Variants in MCC observed in about 807,000 individuals in gnomAD.
The protein encoded by MCC is MCC regulator of Wnt signaling pathway, also known as colorectal mutant cancer protein.
A neutral mutation model predicts 116.2 loss-of-function variants in MCC; 90 were observed. The observed-to-expected ratio is 0.77, with a 90% confidence interval of 0.65 to 0.92. MCC has a LOEUF of 0.92. MCC is among the 40% of genes least tolerant of loss of function. MCC has a pLI of 0.00. For synonymous variants in MCC, 578 were observed against 510.5 expected, an observed-to-expected ratio of 1.13 and a Z score of -1.78; for missense variants, 1,516 against 1,312.2, an observed-to-expected ratio of 1.16 and a Z score of -2.40.
At chr5:113,155,683 G>A (rs562798278) in intron 3 of MCC, among the ~76,000 whole-genome samples, 1 of 152,278 alleles carries the variant, frequency 6.6e-6, no homozygotes, top group East Asian at 1.9e-4. Context: ...CCTCTAACTT[G>A]AGAGATTCAG....
intron 17 of MCC, among the ~76,000 whole-genome samples, chr5:113,033,497 C>T (rs912252344): frequency 6.6e-6 from 1 of 151,526 alleles, no homozygotes; most frequent in Non-Finnish European, 1.5e-5. Context: ...TTCCTTTCTC[C>T]TTCTAATTTA....
intron 5 of MCC, among the ~76,000 whole-genome samples, chr5:113,132,057 C>T (rs1758463427): frequency 6.6e-6 from 1 of 151,868 alleles, no homozygotes; most frequent in Non-Finnish European, 1.5e-5. Context: ...ATCCAAAGTA[C>T]CATGATTTAT....
At chr5:113,476,828 A>T (rs936941611) in intron 1 of MCC, among the ~76,000 whole-genome samples, 1 of 152,114 alleles carries the variant, frequency 6.6e-6, no homozygotes, top group African/African-American at 2.4e-5. Context: ...GGTTGCAATG[A>T]TTGTTACACG....
chr5:113,235,389 A>G (rs1383283993), intron 3 of MCC, among the ~76,000 whole-genome samples: 1 of 152,218 alleles, frequency 6.6e-6, no homozygotes, highest in Non-Finnish European at 1.5e-5. Flanking sequence ...ATCTCCAAAT[A>G]ATTTTTATAT....
intron 3 of MCC, among the ~76,000 whole-genome samples, chr5:113,220,234 A>AT (rs1394992162): frequency 6.7e-6 from 1 of 148,822 alleles, no homozygotes; most frequent in African/African-American, 2.4e-5. Flanking sequence ...ATTTTTTTGT[A>AT]TTTTTTAGTA....
intron 5 of MCC, among the ~76,000 whole-genome samples, chr5:113,130,693 G>A (rs1486330714): frequency 6.6e-6 from 1 of 151,998 alleles, no homozygotes; most frequent in Non-Finnish European, 1.5e-5. Context: ...AGAGCGAGTT[G>A]TTGAAAGAGC....
Position 113,165,365 on chromosome 5 carries a change from C to A in MCC, c.628-13943G>T, listed in dbSNP as rs1018368580. On this transcript the variant is annotated intron_variant, in intron 3 of 18. Coordinates refer to ENST00000408903, the MANE Select transcript of MCC (RefSeq NM_001085377.2). ...ATAAAAAGCCTCCCTGTTTCTTCCC[C>A]CTACCTACAAGAAACACCAACATTG... Among the ~76,000 whole-genome samples the A allele has an allele frequency of 3.3e-5, 5 of 152,350 alleles. No individual in the cohort carries two copies. In the East Asian group the frequency reaches 5.8e-4, roughly 18 times the overall value.
intron 5 of MCC, among the ~76,000 whole-genome samples, chr5:113,135,180 C>T (rs1051072908): frequency 1.3e-4 from 19 of 150,930 alleles, no homozygotes; most frequent in South Asian, 2.1e-4. Flanking sequence ...CCTTATGATC[C>T]GCCCACCTCG....
At chr5:113,478,586 C>A (rs747291090) in intron 1 of MCC, among the ~76,000 whole-genome samples, 1 of 152,124 alleles carries the variant, frequency 6.6e-6, no homozygotes, top group Non-Finnish European at 1.5e-5. Context: ...ATGTGATAAG[C>A]TTGGGATGCC....
chr5:113,247,889 A>G (rs1365341773), intron 3 of MCC, among the ~76,000 whole-genome samples: 1 of 152,168 alleles, frequency 6.6e-6, no homozygotes, highest in Non-Finnish European at 1.5e-5. Context: ...GCCATTTACA[A>G]GTCAGATGCT....
intron 3 of MCC, among the ~76,000 whole-genome samples, chr5:113,220,996 A>G (rs1763531531): frequency 6.6e-6 from 1 of 152,194 alleles, no homozygotes; most frequent in Non-Finnish European, 1.5e-5. Context: ...TGAGCCCAGG[A>G]GTTCAAGACC....
chr5:113,339,238 C>A (rs1850409), intron 3 of MCC, among the ~76,000 whole-genome samples: 55,504 of 117,938 alleles, frequency 0.47, 13,167 homozygotes, highest in African/African-American at 0.73. Context: ...AAAAAAAAAA[C>A]AAATAGTTTT....
intron 15 of MCC, among the ~76,000 whole-genome samples, chr5:113,052,186 G>A (rs1752528965): frequency 1.3e-5 from 2 of 152,118 alleles, no homozygotes; most frequent in Non-Finnish European, 2.9e-5. Context: ...ATCACCCCAC[G>A]TTGGCCAATT....
chr5:113,466,958 GT>G (rs1344445924), intron 1 of MCC, among the ~76,000 whole-genome samples: 2 of 151,780 alleles, frequency 1.3e-5, no homozygotes, highest in Non-Finnish European at 2.9e-5. Context: ...TTTTTCATGT[GT>G]TTTTTGGCTG....
At chr5:113,071,840 T>C (rs1754064299) in intron 11 of MCC, among the ~76,000 whole-genome samples, 1 of 152,008 alleles carries the variant, frequency 6.6e-6, no homozygotes, top group Non-Finnish European at 1.5e-5. Context: ...AATCAGTGAG[T>C]GAACAGGAAA....
chr5:113,348,096 G>T (rs916118641), intron 2 of MCC, among the ~76,000 whole-genome samples: 2 of 152,014 alleles, frequency 1.3e-5, no homozygotes, highest in African/African-American at 4.8e-5. Context: ...GAGAGAGAGA[G>T]ATCTCAATGC....
At chr5:113,118,050 T>C (rs1437493639) in intron 6 of MCC, among the ~76,000 whole-genome samples, 16 of 152,168 alleles carry the variant, frequency 1.1e-4, no homozygotes, top group Non-Finnish European at 8.8e-5. Context: ...AAAAACAACT[T>C]CTTGGCTGTG....
At chr5:113,127,289 G>A (rs1758113477) in intron 5 of MCC, among the ~76,000 whole-genome samples, 1 of 152,176 alleles carries the variant, frequency 6.6e-6, no homozygotes, top group African/African-American at 2.4e-5. Context: ...CTTTGCTATT[G>A]TGAACAGTGC....
At chr5:113,187,525 G>A (rs1761950485) in intron 3 of MCC, among the ~76,000 whole-genome samples, 1 of 152,034 alleles carries the variant, frequency 6.6e-6, no homozygotes, top group African/African-American at 2.4e-5. Flanking sequence ...TCCATGTTCT[G>A]GGGCTCCCAA....
Sources: gnomAD v4.1 joint callset for allele counts (sites outside exome capture counted in the v4.1 genomes callset) on GRCh38, gnomAD v4.1.1 for gene constraint, MANE v1.5 for transcripts, NCBI Gene and HGNC (gene_info 2026-07-23, HGNC 2026-07-21) for gene names.